Variants in SEPTIN10 observed in about 807,000 individuals in gnomAD.
The protein encoded by SEPTIN10 is septin-10.
Under a neutral mutation model 54.8 loss-of-function variants are expected in SEPTIN10, and 66 were observed. The ratio of observed to expected loss-of-function variants is 1.21; its 90% CI spans 0.99 to 1.48. The LOEUF (loss-of-function observed/expected upper bound fraction) is 1.48, where lower values mean the gene tolerates loss of function less well. SEPTIN10 is among the 40% of genes most tolerant of loss of function. SEPTIN10 has a pLI of 0.00. For synonymous variants in SEPTIN10, 161 were observed against 181.0 expected (o/e 0.89, Z 0.89); for missense variants, 620 against 545.6 (o/e 1.14, Z -1.36).
At chr2:109,553,872 A>G (rs926320930) in intron 8 of SEPTIN10, among the ~76,000 whole-genome samples, 1 of 151,974 alleles carries the variant, frequency 6.6e-6, no homozygotes, top group African/African-American at 2.4e-5. Context: ...AAAAAAAGTG[A>G]TACAATAAAC....
chr2:109,569,447 A>G (rs1049516090), intron 5 of SEPTIN10, among the ~76,000 whole-genome samples: 4 of 151,938 alleles, frequency 2.6e-5, no homozygotes, highest in Admixed American at 6.6e-5. Flanking sequence ...TAAAAAAAAA[A>G]AAAAAAAAGG....
intron 6 of SEPTIN10, 104 bp downstream of exon 6, chr2:109,567,711 T>C: frequency 8.6e-7 from 1 of 1,167,096 alleles, no homozygotes; most frequent in Non-Finnish European, 1.2e-6. Context: ...GTTTGAAGTC[T>C]TTTTGGAAGA....
At chr2:109,584,331 T>C (rs939890734) in intron 4 of SEPTIN10, among the ~76,000 whole-genome samples, 1 of 151,332 alleles carries the variant, frequency 6.6e-6, no homozygotes, top group Admixed American at 6.6e-5. Flanking sequence ...CAAAAAAAAT[T>C]AGGTGTGGTG....
intron 9 of SEPTIN10, among the ~76,000 whole-genome samples, chr2:109,552,026 G>C (rs183583268): frequency 6.6e-6 from 1 of 152,322 alleles, no homozygotes; most frequent in African/African-American, 2.4e-5. Flanking sequence ...GGGCAAACAA[G>C]CATTACTGCC....
chr2:109,570,776 C>G (rs994010876), intron 5 of SEPTIN10, among the ~76,000 whole-genome samples: 4 of 152,118 alleles, frequency 2.6e-5, no homozygotes, highest in Admixed American at 6.6e-5. Context: ...CCTGCCTTGG[C>G]CTCTGAAAGT....
intron 1 of SEPTIN10, chr2:109,613,101 T>A: frequency 9.7e-7 from 1 of 1,031,146 alleles, no homozygotes; most frequent in Non-Finnish European, 1.3e-6. Context: ...GGCGGTGAGA[T>A]CACTCCATAC....
chr2:109,555,611 T>C (rs1353043351), intron 8 of SEPTIN10, among the ~76,000 whole-genome samples: 3 of 152,220 alleles, frequency 2.0e-5, no homozygotes, highest in Non-Finnish European at 1.5e-5. Context: ...GAAGGAATGC[T>C]GAGGGCAGTC....
chr2:109,550,274 A>G (rs551889759), intron 9 of SEPTIN10, among the ~76,000 whole-genome samples: 74 of 151,742 alleles, frequency 4.9e-4, no homozygotes, highest in African/African-American at 1.6e-3. Flanking sequence ...TGGGCAACAA[A>G]AGCAAGACTC....
intron 8 of SEPTIN10, among the ~76,000 whole-genome samples, chr2:109,559,035 G>A (rs111486365): frequency 0.21 from 32,081 of 151,808 alleles, 4,193 homozygotes; most frequent in Non-Finnish European, 0.29. Context: ...ATAGGTGTCC[G>A]CCACCACACC....
intron 2 of SEPTIN10, among the ~76,000 whole-genome samples, chr2:109,591,222 G>T (rs1694001242): frequency 6.6e-6 from 1 of 152,152 alleles, no homozygotes; most frequent in African/African-American, 2.4e-5. Flanking sequence ...TTCATAACTT[G>T]TTAAAGTTGT....
intron 1 of SEPTIN10, among the ~76,000 whole-genome samples, chr2:109,612,755 G>A (rs149658191): frequency 1.3e-3 from 202 of 152,250 alleles, no homozygotes; most frequent in African/African-American, 4.7e-3. Flanking sequence ...AGACAAGGGG[G>A]TCCAGACAGA....
rs770452937 is a variant in SEPTIN10 at position 109,565,909 on chromosome 2, T to C, written c.763-50A>G. ...TTCTCATACCACTGTGATAACTGAC[T>C]AGATAAAATAAATTTTATGTGAGAG... On this transcript the variant is annotated intron_variant, in intron 6 of 10. Transcript: ENST00000397712. 3 of 1,431,506 alleles carry C rather than the reference T, an allele frequency of 2.1e-6. 1 individual carries two copies. In the Admixed American group the frequency reaches 5.0e-5, roughly 24 times the overall value. 88.7% of individuals were successfully genotyped at this position (1,431,506 alleles called of 1,614,324 possible).
At chr2:109,551,431 C>G (rs1208231279) in intron 9 of SEPTIN10, among the ~76,000 whole-genome samples, 1 of 151,978 alleles carries the variant, frequency 6.6e-6, no homozygotes, top group Non-Finnish European at 1.5e-5. Flanking sequence ...AACATAATAC[C>G]CATGTACAAT....
rs1380787436 is a variant in SEPTIN10 at position 109,579,928 on chromosome 2, C to T, written c.414-5161G>A. On this transcript the variant is annotated intron_variant, in intron 4 of 10. Transcript: ENST00000397712. ...CTGAGGTCAGGAGTTTGAGACCAGC[C>T]TGGCCTACATGGTGAAACCCTGTCT... is the stretch of plus-strand genomic sequence containing the variant. Among the ~76,000 whole-genome samples the T allele has an allele frequency of 2.6e-5, 4 of 151,632 alleles. 1 individual carries two copies. In the East Asian group the frequency reaches 7.9e-4, roughly 30 times the overall value.
chr2:109,586,524 G>C (rs1388789916), intron 2 of SEPTIN10, among the ~76,000 whole-genome samples: 1 of 152,130 alleles, frequency 6.6e-6, no homozygotes, highest in South Asian at 2.1e-4. Context: ...AGATTGGTTG[G>C]GAATTCAGGG....
intron 4 of SEPTIN10, among the ~76,000 whole-genome samples, chr2:109,574,993 A>C (rs1689344780): frequency 6.6e-6 from 1 of 152,238 alleles, no homozygotes; most frequent in African/African-American, 2.4e-5. Flanking sequence ...TCCATCACAT[A>C]AGTTGAAAAT....
At chr2:109,562,294 C>T (rs567119382) in intron 8 of SEPTIN10, among the ~76,000 whole-genome samples, 1 of 151,952 alleles carries the variant, frequency 6.6e-6, no homozygotes, top group East Asian at 1.9e-4. Flanking sequence ...GTCACTACCC[C>T]TCTCTTTCAC....
intron 1 of SEPTIN10, among the ~76,000 whole-genome samples, chr2:109,610,340 G>T (rs1698979387): frequency 6.6e-6 from 1 of 152,010 alleles, no homozygotes; most frequent in South Asian, 2.1e-4. Context: ...CATCCATCTG[G>T]GCCTCCCAAA....
chr2:109,585,781 G>A lies in SEPTIN10; in HGVS notation c.157C>T (p.Pro53Ser), dbSNP rs1310260309. ...MSGHVGFESL[P>S]DQLVNRSIQQ... ...ATGGATCTGTTCACCAGCTGATCAG[G>A]CAAACTCTCAAAACCAACATGGCCA... The change falls in exon 3 of 11, where the codon CCT becomes TCT. Residue 53 changes from proline to serine, a missense_variant. By Grantham distance (74) the Pro-to-Ser change is moderately conservative (BLOSUM62 -1). Transcript: ENST00000397712. 8.1e-6 allele frequency: 13 copies of A among 1,613,376 alleles called. No homozygotes were observed. The highest frequency in any genetic ancestry group is 1.0e-5 in the Non-Finnish European group (12 of 1,179,806).
Sources: gnomAD v4.1 joint callset for allele counts (sites outside exome capture counted in the v4.1 genomes callset) on GRCh38, gnomAD v4.1.1 for gene constraint, MANE v1.5 for transcripts, NCBI Gene and HGNC (gene_info 2026-07-23, HGNC 2026-07-21) for gene names.